COQ8A: variants seen among roughly 807,000 people sequenced by gnomAD.
COQ8A encodes the protein atypical kinase COQ8A, mitochondrial.
A neutral mutation model predicts 65.0 loss-of-function variants in COQ8A; 51 were observed. The ratio of observed to expected loss-of-function variants is 0.78; its 90% CI spans 0.63 to 0.99. COQ8A has a LOEUF of 0.99. Ranked by LOEUF, COQ8A falls within the 50% of genes least tolerant of loss-of-function variation. The probability of loss-of-function intolerance (pLI) is 0.00; values close to 1 mark genes in which losing one functional copy is unlikely to be tolerated. For synonymous variants in COQ8A, 371 were observed against 353.2 expected, an observed-to-expected ratio of 1.05 and a Z score of -0.57; for missense variants, 940 against 875.0, an observed-to-expected ratio of 1.07 and a Z score of -0.94.
intron 4 of COQ8A, among the ~76,000 whole-genome samples, chr1:226,971,981 T>A (rs1023427037): frequency 6.6e-6 from 1 of 152,250 alleles, no homozygotes; most frequent in Non-Finnish European, 1.5e-5. Context: ...ATATGTTAGA[T>A]CTTTTCCCTC....
intron 5 of COQ8A, among the ~76,000 whole-genome samples, 192 bp from the exon 6 acceptor site, chr1:226,981,835 C>T (rs1000945523): frequency 2.0e-5 from 3 of 152,310 alleles, no homozygotes; most frequent in South Asian, 2.1e-4. Flanking sequence ...GAGGCGCTGG[C>T]GTAGGGCCTG....
chr1:226,974,357 C>T (rs1659065927), intron 4 of COQ8A, among the ~76,000 whole-genome samples: 1 of 152,240 alleles, frequency 6.6e-6, no homozygotes, highest in Admixed American at 6.5e-5. Context: ...GGCTTTAGAG[C>T]CTGGAGCTTG....
chr1:226,985,374 C>G (rs1660035395), intron 14 of COQ8A, 34 bp downstream of exon 14: 1 of 1,606,906 alleles, frequency 6.2e-7, no homozygotes, highest in Non-Finnish European at 8.5e-7. Context: ...CCTGGGCCTG[C>G]TGACCCAGGG....
At chr1:226,952,474 C>T (rs1264775806) in intron 1 of COQ8A, among the ~76,000 whole-genome samples, 5 of 151,570 alleles carry the variant, frequency 3.3e-5, no homozygotes, top group South Asian at 2.1e-4. Context: ...GGAGTGCAGT[C>T]GTGTGATCAT....
In COQ8A at chr1:226,949,276, T is replaced by C. The variant is rs1657232914; in HGVS notation, c.-10+8877T>C. 1.3e-5 allele frequency among the ~76,000 whole-genome samples: 2 copies of C among 152,022 alleles called. No individual in the cohort carries two copies. Among genetic ancestry groups the C allele is most frequent in the Non-Finnish European group, 2.9e-5 (2 of 68,022 alleles). On this transcript the variant is annotated intron_variant, in intron 1 of 14. Transcript: ENST00000366777. The surrounding 1 kb of genome is among the most constrained non-coding windows in gnomAD (Gnocchi z 4.0). ...GGAGTTTGGGTTTTATATATATGTCTACATACATGTCTACAGGTAGAGGAG... is the reference window on the plus strand; with the variant it reads ...GGAGTTTGGGTTTTATATATATGTCCACATACATGTCTACAGGTAGAGGAG...
intron 1 of COQ8A, among the ~76,000 whole-genome samples, chr1:226,954,895 A>T (rs1022572091): frequency 7.2e-5 from 11 of 151,898 alleles, no homozygotes; most frequent in Admixed American, 6.6e-4. Flanking sequence ...GCTGGAGGGG[A>T]TGGGCACAGG....
At position 226,981,722 on chromosome 1, in the gene COQ8A, G is replaced by A. The variant is rs145295118; in HGVS notation, c.731-305G>A. Among the ~76,000 whole-genome samples, 27 of 152,294 alleles carry A rather than the reference G, an allele frequency of 1.8e-4. No individual in the cohort carries two copies. In the East Asian group the frequency reaches 5.2e-3, roughly 29 times the overall value. On this transcript the variant is annotated intron_variant, in intron 5 of 14. Transcript: ENST00000366777. ...CCTTCCAGCCACAGGCAGCACCATGGCCCTGTCACGGCCCGCCAGGTCCCC... is the reference window on the plus strand; with the variant it reads ...CCTTCCAGCCACAGGCAGCACCATGACCCTGTCACGGCCCGCCAGGTCCCC...
At chr1:226,983,704 G>C (rs1659860856) in intron 9 of COQ8A, 57 bp from the exon 10 acceptor site, 1 of 1,612,198 alleles carries the variant, frequency 6.2e-7, no homozygotes, top group African/African-American at 1.3e-5. Context: ...CTGGGGACCA[G>C]AGGGGGTCCT....
intron 1 of COQ8A, among the ~76,000 whole-genome samples, chr1:226,960,427 GTGGTACT>G (rs1658147508): frequency 2.0e-5 from 2 of 100,998 alleles, no homozygotes; most frequent in South Asian, 3.0e-4. Context: ...GTACTTGGTG[GTGGTACT>G]TGGTGGTACT....
intron 14 of COQ8A, among the ~76,000 whole-genome samples, chr1:226,985,624 C>T (rs994803762): frequency 1.4e-4 from 22 of 152,320 alleles, no homozygotes; most frequent in African/African-American, 4.6e-4. Context: ...ATTGAGCCAA[C>T]GTGCAGAGCA....
At chr1:226,943,098 G>A (rs577720936) in intron 1 of COQ8A, among the ~76,000 whole-genome samples, 2 of 152,194 alleles carry the variant, frequency 1.3e-5, no homozygotes, top group African/African-American at 2.4e-5. Context: ...TCTTTTGGGT[G>A]CCCTTTGTTG....
At chr1:226,983,688 T>TG in intron 9 of COQ8A, 55 bp downstream of exon 9, 1 of 1,612,412 alleles carries the variant, frequency 6.2e-7, no homozygotes. Flanking sequence ...GCATCTGTGT[T>TG]GGGTTCTGGG....
At chr1:226,983,416 C>CT in intron 8 of COQ8A, 136 bp from the exon 9 acceptor site, 1 of 844,692 alleles carries the variant, frequency 1.2e-6, no homozygotes, top group Non-Finnish European at 2.0e-6. Context: ...ATGGCTGGGT[C>CT]TTAGCTCTGG....
chr1:226,971,761 T>C (rs1187359612), intron 4 of COQ8A, among the ~76,000 whole-genome samples: 1 of 152,212 alleles, frequency 6.6e-6, no homozygotes, highest in African/African-American at 2.4e-5. Context: ...ATTTCTTTTC[T>C]CTGGCTGCTT....
chr1:226,965,407 G>A lies in COQ8A; in HGVS notation c.585G>A (p.Gln195=). The A allele has an allele frequency of 6.2e-7, 1 of 1,608,602 alleles. No individual in the cohort carries two copies. Among genetic ancestry groups the A allele is most frequent in the Non-Finnish European group, 8.5e-7 (1 of 1,178,630 alleles). Reference sequence around the variant, plus strand: ...GCCCCGAGAACAAGCAGCACAAACAGACGGTGCGTATGGGAGGCCCCTGGA... The same window carrying A: ...GCCCCGAGAACAAGCAGCACAAACAAACGGTGCGTATGGGAGGCCCCTGGA... The part of the protein sequence containing the change: ...KARPENKQHK[Q]TLSEHARERK... The change falls in exon 3 of 15, where the codon CAG becomes CAA. Residue 195 remains glutamine (Q), a synonymous_variant. Transcript: ENST00000366777.
chr1:226,945,580 T>C (rs892749657), intron 1 of COQ8A, among the ~76,000 whole-genome samples: 2 of 152,146 alleles, frequency 1.3e-5, no homozygotes, highest in African/African-American at 4.8e-5. Flanking sequence ...CTTCCCGAGA[T>C]TGAAAAAATC....
intron 1 of COQ8A, among the ~76,000 whole-genome samples, chr1:226,942,803 C>G (rs962447362): frequency 6.6e-6 from 1 of 152,142 alleles, no homozygotes; most frequent in Non-Finnish European, 1.5e-5. Flanking sequence ...TTTTTCTTTT[C>G]TCCTTTGGTC....
chr1:226,969,241 C>G (rs1004464828), intron 4 of COQ8A, among the ~76,000 whole-genome samples: 5 of 152,162 alleles, frequency 3.3e-5, no homozygotes, highest in African/African-American at 9.7e-5. Context: ...TACTTTTAGT[C>G]TATTGACTTG....
intron 1 of COQ8A, among the ~76,000 whole-genome samples, chr1:226,953,154 C>T (rs1425185468): frequency 1.3e-5 from 2 of 152,128 alleles, no homozygotes; most frequent in African/African-American, 2.4e-5. Flanking sequence ...TTCAGCCTCC[C>T]GAGTAGCTGG....
Sources: allele counts gnomAD v4.1 joint callset (sites outside exome capture counted in the v4.1 genomes callset), GRCh38; gene constraint gnomAD v4.1.1; non-coding constraint Gnocchi (gnomAD v3.1); transcripts MANE v1.5; gene names NCBI Gene and HGNC (gene_info 2026-07-23, HGNC 2026-07-21).